Variants in GPR158 observed in about 807,000 individuals in gnomAD.
GPR158 encodes the protein G protein-coupled receptor 158, also known as metabotropic glycine receptor.
A neutral mutation model predicts 78.2 loss-of-function variants in GPR158; 30 were observed. The observed-to-expected ratio is 0.38, with a 90% confidence interval of 0.29 to 0.52. The LOEUF (loss-of-function observed/expected upper bound fraction) is 0.52, where lower values mean the gene tolerates loss of function less well. Among genes scored for constraint, GPR158 ranks in the 20% least tolerant of loss-of-function variants. GPR158 has a pLI of 0.83. For synonymous variants in GPR158, 581 were observed against 591.1 expected, an observed-to-expected ratio of 0.98 and a Z score of 0.25; for missense variants, 1,463 against 1,523.5, an observed-to-expected ratio of 0.96 and a Z score of 0.66.
intron 5 of GPR158, among the ~76,000 whole-genome samples, chr10:25,527,892 T>C (rs1836371451): frequency 6.6e-6 from 1 of 152,060 alleles, no homozygotes; most frequent in African/African-American, 2.4e-5. Flanking sequence ...AAAAGGATAA[T>C]AAGCTGGTAT....
chr10:25,182,428 C>T (rs1852623442), intron 1 of GPR158, among the ~76,000 whole-genome samples: 1 of 152,100 alleles, frequency 6.6e-6, no homozygotes, highest in Admixed American at 6.5e-5. Context: ...CTGTAGTTGG[C>T]TTTAAAATTT....
intron 4 of GPR158, among the ~76,000 whole-genome samples, chr10:25,436,608 G>A (rs540278655): frequency 8.5e-5 from 13 of 152,288 alleles, no homozygotes; most frequent in South Asian, 8.3e-4. Context: ...TTTTAAAAAG[G>A]AAAATCCAGC....
chr10:25,566,759 CTTTTTAGGTG>C (rs2130726827), intron 6 of GPR158, among the ~76,000 whole-genome samples: 1 of 152,158 alleles, frequency 6.6e-6, no homozygotes, highest in Admixed American at 6.5e-5. Flanking sequence ...TGATGCCAGT[CTTTTTAGGTG>C]TTTATCTAAA....
chr10:25,466,959 G>A (rs2130618177), intron 5 of GPR158, among the ~76,000 whole-genome samples: 1 of 152,286 alleles, frequency 6.6e-6, no homozygotes, highest in Non-Finnish European at 1.5e-5. Flanking sequence ...AATATTTGAA[G>A]AGATTTAATC....
At chr10:25,553,785 T>G (rs982162892) in intron 6 of GPR158, among the ~76,000 whole-genome samples, 1 of 152,174 alleles carries the variant, frequency 6.6e-6, no homozygotes, top group African/African-American at 2.4e-5. Context: ...AGAGGAAAGA[T>G]GTAAATCCTG....
intron 4 of GPR158, among the ~76,000 whole-genome samples, chr10:25,431,402 C>T (rs1223719143): frequency 1.4e-5 from 2 of 147,538 alleles, no homozygotes; most frequent in Admixed American, 6.8e-5. Context: ...CACTTTTACA[C>T]TGTTGGTGGG....
At chr10:25,346,235 G>A (rs1855369609) in intron 2 of GPR158, among the ~76,000 whole-genome samples, 1 of 151,690 alleles carries the variant, frequency 6.6e-6, no homozygotes, top group African/African-American at 2.4e-5. Context: ...CAATTATTTT[G>A]AACAAAGAAG....
intron 2 of GPR158, among the ~76,000 whole-genome samples, chr10:25,391,060 G>T (rs1754268): frequency 0.62 from 93,966 of 152,088 alleles, 30,227 homozygotes; most frequent in Non-Finnish European, 0.73. Context: ...TCCACGTGTT[G>T]TTGGGCCTGT....
At chr10:25,596,847 G>T in intron 10 of GPR158, 58 bp downstream of exon 10, 1 of 1,486,012 alleles carries the variant, frequency 6.7e-7, no homozygotes, top group Non-Finnish European at 9.3e-7. Context: ...TATACAGGCA[G>T]GCGTGTGTGG....
chr10:25,488,265 C>T (rs1220333925), intron 5 of GPR158, among the ~76,000 whole-genome samples: 1 of 152,066 alleles, frequency 6.6e-6, no homozygotes, highest in Non-Finnish European at 1.5e-5. Context: ...CATTTAACCT[C>T]ATTTGTCAGA....
At chr10:25,430,786 T>C (rs1834891624) in intron 4 of GPR158, among the ~76,000 whole-genome samples, 1 of 148,038 alleles carries the variant, frequency 6.8e-6, no homozygotes, top group African/African-American at 2.5e-5. Flanking sequence ...TAATAAATGG[T>C]GCTGGGAAAA....
At chr10:25,408,500 A>G (rs544626992) in intron 3 of GPR158, among the ~76,000 whole-genome samples, 8 of 152,284 alleles carry the variant, frequency 5.3e-5, no homozygotes, top group Non-Finnish European at 8.8e-5. Flanking sequence ...CCCATACTTT[A>G]TCGTCTCCTA....
At chr10:25,261,430 C>T (rs1397837077) in intron 2 of GPR158, among the ~76,000 whole-genome samples, 3 of 152,050 alleles carry the variant, frequency 2.0e-5, no homozygotes, top group African/African-American at 7.2e-5. Context: ...GCAAAATGTT[C>T]AGCTTGTTTT....
chr10:25,470,630 T>C, intron 5 of GPR158, among the ~76,000 whole-genome samples: 1 of 152,192 alleles, frequency 6.6e-6, no homozygotes, highest in Non-Finnish European at 1.5e-5. Context: ...GCATAATAAT[T>C]AGTAACAGAA....
chr10:25,368,211 C>G (rs1383010598), intron 2 of GPR158, among the ~76,000 whole-genome samples: 1 of 151,812 alleles, frequency 6.6e-6, no homozygotes, highest in Non-Finnish European at 1.5e-5. Flanking sequence ...TGTGGAGTTA[C>G]CTCCTAAATA....
intron 1 of GPR158, among the ~76,000 whole-genome samples, chr10:25,201,847 T>C (rs1039729490): frequency 6.6e-6 from 1 of 152,084 alleles, no homozygotes; most frequent in African/African-American, 2.4e-5. Flanking sequence ...ATAGATGAGC[T>C]TCTTGATATG....
At chr10:25,178,913 C>A (rs78988297) in intron 1 of GPR158, among the ~76,000 whole-genome samples, 2,090 of 152,310 alleles carry the variant, frequency 0.014, 49 homozygotes, top group African/African-American at 0.048. Flanking sequence ...TCTGGTTTAT[C>A]CTATACTTGA....
chr10:25,436,363 G>C (rs1834997221), intron 4 of GPR158, among the ~76,000 whole-genome samples: 1 of 152,194 alleles, frequency 6.6e-6, no homozygotes, highest in African/African-American at 2.4e-5. Context: ...AAACTTAGTA[G>C]AGAAATTGGG....
At chr10:25,238,893 G>A (rs144949432) in intron 2 of GPR158, among the ~76,000 whole-genome samples, 2 of 152,210 alleles carry the variant, frequency 1.3e-5, no homozygotes, top group African/African-American at 4.8e-5. Context: ...TACAGGTATA[G>A]CCATGAATAC....
Sources: allele counts gnomAD v4.1 joint callset (sites outside exome capture counted in the v4.1 genomes callset), GRCh38; gene constraint gnomAD v4.1.1; transcripts MANE v1.5; gene names NCBI Gene and HGNC (gene_info 2026-07-23, HGNC 2026-07-21).